OPCML: variants seen among roughly 807,000 people sequenced by gnomAD.
The protein encoded by OPCML is opioid-binding protein/cell adhesion molecule.
In OPCML, 13 loss-of-function variants were observed where a neutral mutation model predicts 37.8. The observed-to-expected ratio is 0.34, with a 90% CI of 0.22 to 0.55. The LOEUF is 0.55. Among genes scored for constraint, OPCML ranks in the 20% least tolerant of loss-of-function variants. OPCML has a pLI of 0.91. For missense variants in OPCML, 341 were observed against 435.6 expected (o/e 0.78, Z 1.93); for synonymous variants, 176 against 168.8 (o/e 1.04, Z -0.33).
At chr11:132,949,381 A>G (rs1207454681) in intron 1 of OPCML, among the ~76,000 whole-genome samples, 1 of 152,220 alleles carries the variant, frequency 6.6e-6, no homozygotes, top group African/African-American at 2.4e-5. Context: ...AATGGTGCAC[A>G]CAACTCAGGA....
At chr11:132,706,975 G>A (rs1027132454) in intron 2 of OPCML, among the ~76,000 whole-genome samples, 20 of 152,148 alleles carry the variant, frequency 1.3e-4, no homozygotes, top group African/African-American at 3.4e-4. Context: ...TCTAAACGTC[G>A]CCAAGATGGC....
At chr11:132,483,804 C>G (rs1198608685) in intron 4 of OPCML, among the ~76,000 whole-genome samples, 1 of 151,472 alleles carries the variant, frequency 6.6e-6, no homozygotes, top group Admixed American at 6.6e-5. Flanking sequence ...CTGACAAAAA[C>G]AAGCAATGGG....
intron 1 of OPCML, among the ~76,000 whole-genome samples, chr11:133,017,713 C>A (rs1328990545): frequency 1.3e-5 from 2 of 152,116 alleles, no homozygotes; most frequent in African/African-American, 2.4e-5. Context: ...TAGTTTATAT[C>A]TTTGATGCTT....
Position 132,420,094 on chromosome 11 carries a change from A to C in OPCML, c.*99T>G. The C allele has an allele frequency of 1.0e-6, 1 of 972,148 alleles. No individual in the cohort carries two copies. The highest frequency in any genetic ancestry group is 1.5e-6 in the Non-Finnish European group (1 of 650,490). 60.2% of individuals were successfully genotyped at this position (972,148 alleles called of 1,614,324 possible). A position where few individuals can be genotyped will look rare whatever the true frequency, so the allele number is the denominator to read the frequency against. On this transcript the variant is annotated 3_prime_UTR_variant, in exon 8 of 8. Transcript: ENST00000524381. ...GAAAACAAATCTAGAATAACAGAAA[A>C]AAACAAAAAGAAGCCCAAGCTGGTT... is the stretch of plus-strand genomic sequence containing the variant.
chr11:133,516,719 C>T (rs973853069), intron 1 of OPCML, among the ~76,000 whole-genome samples: 1 of 152,120 alleles, frequency 6.6e-6, no homozygotes, highest in Non-Finnish European at 1.5e-5. Flanking sequence ...CGGGAGAAGG[C>T]GGAGAACCCT....
rs199770687 is a variant in OPCML, at chr11:133,394,299, A to G, written c.61+137965T>C. Reference sequence around the variant, plus strand: ...TTTTAACTTTTACTGTAGTAGGGGTATATATGTATGGGTTACATGAGATAT... The same window carrying G: ...TTTTAACTTTTACTGTAGTAGGGGTGTATATGTATGGGTTACATGAGATAT... On this transcript the variant is annotated intron_variant, in intron 1 of 7. Coordinates refer to ENST00000524381, the MANE Select transcript of OPCML (RefSeq NM_001012393.5). 6.6e-5 allele frequency among the ~76,000 whole-genome samples: 10 copies of G among 152,294 alleles called. No homozygotes were observed. The East Asian group carries it at 1.9e-3, about 29-fold the overall frequency.
At chr11:133,419,005 C>T (rs1945826334) in intron 1 of OPCML, among the ~76,000 whole-genome samples, 1 of 152,188 alleles carries the variant, frequency 6.6e-6, no homozygotes, top group African/African-American at 2.4e-5. Context: ...TTCCACACAC[C>T]TATGATTTCA....
chr11:133,140,984 A>G (rs148360371), intron 1 of OPCML, among the ~76,000 whole-genome samples: 7 of 4,632 alleles, frequency 1.5e-3, no homozygotes, highest in Non-Finnish European at 1.9e-3. Flanking sequence ...GAAGAAGAAG[A>G]AGAAGAAGAA....
chr11:133,314,752 T>C (rs1440235764), intron 1 of OPCML, among the ~76,000 whole-genome samples: 3 of 152,114 alleles, frequency 2.0e-5, no homozygotes, highest in Admixed American at 2.0e-4. Context: ...ACGCTAAGGC[T>C]CCATGTGCCC....
rs1286940698 is a variant in OPCML at position 132,418,832 on chromosome 11, C to T, written c.*1361G>A. 4 of 152,618 alleles carry T rather than the reference C, an allele frequency of 2.6e-5. No individual in the cohort carries two copies. The highest frequency in any genetic ancestry group is 4.4e-5 in the Non-Finnish European group (3 of 68,038). 9.5% of individuals were successfully genotyped at this position (152,618 alleles called of 1,614,324 possible). A position where few individuals can be genotyped will look rare whatever the true frequency, so the allele number is the denominator to read the frequency against. On this transcript the variant is annotated 3_prime_UTR_variant, in exon 8 of 8. Transcript: ENST00000524381. ...GCCATAGGTTCCTGACATGTACTTT[C>T]TTGAAGGGTTGAGAGAAGCATAAAG...
intron 1 of OPCML, among the ~76,000 whole-genome samples, chr11:133,442,780 A>G (rs928740654): frequency 3.5e-5 from 5 of 141,722 alleles, no homozygotes; most frequent in African/African-American, 5.4e-5. Flanking sequence ...TTTTGAGGGA[A>G]GAAGGTAAGA....
At chr11:132,761,073 A>T (rs1406507241) in intron 2 of OPCML, among the ~76,000 whole-genome samples, 1 of 152,012 alleles carries the variant, frequency 6.6e-6, no homozygotes. Flanking sequence ...GTTTGGTGGG[A>T]TATGAAATTC....
intron 1 of OPCML, among the ~76,000 whole-genome samples, chr11:133,175,484 G>GAAAAAAAAA (rs5795829): frequency 1.5e-5 from 2 of 137,612 alleles, no homozygotes; most frequent in Non-Finnish European, 1.6e-5. Flanking sequence ...GAGAAAAATA[G>GAAAAAAAAA]AAAAAAAAAA....
At chr11:132,812,683 G>A (rs74387305) in intron 2 of OPCML, among the ~76,000 whole-genome samples, 4,617 of 152,204 alleles carry the variant, frequency 0.03, 163 homozygotes, top group African/African-American at 0.087. Flanking sequence ...ACATTTAATT[G>A]CCTGCTCTTT....
chr11:132,949,111 C>G (rs1394386728), intron 1 of OPCML, among the ~76,000 whole-genome samples: 3 of 152,162 alleles, frequency 2.0e-5, no homozygotes, highest in Non-Finnish European at 2.9e-5. Flanking sequence ...GGTCAGTATT[C>G]AGGTGACTCT....
chr11:132,943,207 C>A lies in OPCML; in HGVS notation c.62-197G>T. On this transcript the variant is annotated intron_variant, in intron 1 of 7. Coordinates refer to ENST00000524381, the MANE Select transcript of OPCML (RefSeq NM_001012393.5). This position sits in a 1 kb window ranked among gnomAD's most constrained non-coding sequence, Gnocchi z 4.3. ...GGAGGAGGGAAGGGGCAGAGTTCGC[C>A]AGGAGCAGGGGGAAGGAGAAGAGAG... 1 of 1,508,194 alleles carries A rather than the reference C, an allele frequency of 6.6e-7. No homozygotes were observed. The highest frequency in any genetic ancestry group is 1.9e-5 in the Admixed American group (1 of 53,264). The allele number at this position is 1,508,194 out of a possible 1,614,324, so 93.4% of individuals were successfully genotyped here. A position where few individuals can be genotyped will look rare whatever the true frequency, so the allele number is the denominator to read the frequency against.
At chr11:133,022,200 G>A (rs1269591245) in intron 1 of OPCML, among the ~76,000 whole-genome samples, 1 of 152,124 alleles carries the variant, frequency 6.6e-6, no homozygotes, top group African/African-American at 2.4e-5. Flanking sequence ...TTCAGAAGAT[G>A]TCCAAATGAT....
chr11:133,233,856 C>T (rs1187134940), intron 1 of OPCML, among the ~76,000 whole-genome samples: 1 of 152,174 alleles, frequency 6.6e-6, no homozygotes, highest in African/African-American at 2.4e-5. Flanking sequence ...AAGGTCTTTC[C>T]TTCTCCACAG....
intron 2 of OPCML, among the ~76,000 whole-genome samples, chr11:132,657,600 T>C (rs1941771929): frequency 1.3e-5 from 2 of 152,178 alleles, no homozygotes; most frequent in African/African-American, 4.8e-5. Context: ...TTTTTCCCCA[T>C]AGGCTTATAT....
Sources: allele counts gnomAD v4.1 joint callset (sites outside exome capture counted in the v4.1 genomes callset), GRCh38; gene constraint gnomAD v4.1.1; non-coding constraint Gnocchi (gnomAD v3.1); transcripts MANE v1.5; gene names NCBI Gene and HGNC (gene_info 2026-07-23, HGNC 2026-07-21).